The following CDIN1 variants were observed in gnomAD, a reference collection of about 807,000 sequenced individuals.
CDIN1 encodes the protein CDAN1-interacting nuclease 1.
In CDIN1, 33 loss-of-function variants were observed where a neutral mutation model predicts 45.3. The ratio of observed to expected loss-of-function variants is 0.73; its 90% confidence interval spans 0.55 to 0.97. The LOEUF is 0.97. CDIN1 is among the 50% of genes least tolerant of loss of function. CDIN1 has a pLI of 0.00. For missense variants in CDIN1, 303 were observed against 339.4 expected, an observed-to-expected ratio of 0.89 and a Z score of 0.84; for synonymous variants, 118 against 124.4, an observed-to-expected ratio of 0.95 and a Z score of 0.34.
intron 10 of CDIN1, among the ~76,000 whole-genome samples, chr15:36,785,745 T>C (rs2141068075): frequency 6.6e-6 from 1 of 152,346 alleles, no homozygotes; most frequent in African/African-American, 2.4e-5. Context: ...ACAGAAAGAA[T>C]TGGTGTTAAG....
chr15:36,623,590 C>T (rs1289663381), intron 1 of CDIN1, among the ~76,000 whole-genome samples: 2 of 152,164 alleles, frequency 1.3e-5, no homozygotes, highest in Non-Finnish European at 2.9e-5. Context: ...GGGCAGGCAG[C>T]TCAGTACCCT....
chr15:36,700,487 GA>G (rs1213080922), intron 8 of CDIN1, among the ~76,000 whole-genome samples: 3 of 151,898 alleles, frequency 2.0e-5, no homozygotes, highest in Non-Finnish European at 4.4e-5. Flanking sequence ...TATCCTTTAT[GA>G]ATGAAGAAAA....
At chr15:36,758,238 G>A (rs1057308441) in intron 10 of CDIN1, among the ~76,000 whole-genome samples, 10 of 151,886 alleles carry the variant, frequency 6.6e-5, no homozygotes, top group African/African-American at 2.4e-4. Context: ...TATATAAGGG[G>A]CCTCCCTCCC....
At chr15:36,631,187 A>G (rs955023396) in intron 1 of CDIN1, among the ~76,000 whole-genome samples, 1 of 152,218 alleles carries the variant, frequency 6.6e-6, no homozygotes, top group African/African-American at 2.4e-5. Context: ...TGTATTTATA[A>G]TGGAAAAAAT....
intron 1 of CDIN1, among the ~76,000 whole-genome samples, chr15:36,602,822 A>AT (rs201891321): frequency 0.015 from 2,217 of 152,138 alleles, 42 homozygotes; most frequent in African/African-American, 0.032. Context: ...ACTAAAAAAA[A>AT]ATATATATAC....
chr15:36,659,526 A>G (rs1404160860), intron 5 of CDIN1, among the ~76,000 whole-genome samples: 1 of 151,980 alleles, frequency 6.6e-6, no homozygotes, highest in Admixed American at 6.6e-5. Context: ...TTACACTATG[A>G]TTATGTATAA....
chr15:36,787,238 T>A (rs2054515044), intron 10 of CDIN1, among the ~76,000 whole-genome samples: 1 of 152,208 alleles, frequency 6.6e-6, no homozygotes, highest in Non-Finnish European at 1.5e-5. Flanking sequence ...CTGCCCTGGT[T>A]CTTACCCATA....
chr15:36,789,565 C>G (rs2054592581), intron 10 of CDIN1, among the ~76,000 whole-genome samples: 1 of 152,114 alleles, frequency 6.6e-6, no homozygotes, highest in African/African-American at 2.4e-5. Context: ...GGAATAATTT[C>G]TGGTGTTCTG....
intron 1 of CDIN1, chr15:36,594,844 G>T: frequency 1.0e-6 from 1 of 974,604 alleles, no homozygotes; most frequent in Non-Finnish European, 1.2e-6. Context: ...ATTTCAAGAA[G>T]CTTATTTATA....
chr15:36,583,486 G>A (rs72704498), intron 1 of CDIN1, among the ~76,000 whole-genome samples: 509 of 152,176 alleles, frequency 3.3e-3, no homozygotes, highest in Non-Finnish European at 6.2e-3. Flanking sequence ...TGAAGGAGTA[G>A]GACTTTGTGA....
intron 10 of CDIN1, among the ~76,000 whole-genome samples, chr15:36,762,734 C>T (rs1012464774): frequency 2.6e-5 from 4 of 151,820 alleles, no homozygotes; most frequent in African/African-American, 7.3e-5. Context: ...AGAGTGAGAA[C>T]ATGCGGTGTT....
chr15:36,600,069 A>G (rs1228134022), intron 1 of CDIN1, among the ~76,000 whole-genome samples: 2 of 152,238 alleles, frequency 1.3e-5, no homozygotes, highest in Non-Finnish European at 2.9e-5. Context: ...CTTAGATTTT[A>G]TAAAGCTCCC....
At chr15:36,680,247 C>T (rs956325519) in intron 5 of CDIN1, among the ~76,000 whole-genome samples, 1 of 152,160 alleles carries the variant, frequency 6.6e-6, no homozygotes, top group African/African-American at 2.4e-5. Context: ...CCATCCTGTC[C>T]GTATGCCTGT....
chr15:36,589,009 A>C (rs1469330304), intron 1 of CDIN1, among the ~76,000 whole-genome samples: 1 of 152,222 alleles, frequency 6.6e-6, no homozygotes, highest in African/African-American at 2.4e-5. Flanking sequence ...CAGGCATCAA[A>C]CTTTAGTTTA....
intron 5 of CDIN1, among the ~76,000 whole-genome samples, chr15:36,690,179 C>T (rs1277743732): frequency 6.6e-6 from 1 of 152,140 alleles, no homozygotes; most frequent in African/African-American, 2.4e-5. Flanking sequence ...TTAAAATAAT[C>T]ATGCTTCATT....
chr15:36,595,132 T>G (rs1016203048), intron 1 of CDIN1, among the ~76,000 whole-genome samples: 18 of 151,874 alleles, frequency 1.2e-4, no homozygotes, highest in African/African-American at 4.3e-4. Context: ...GTCATCTAAC[T>G]TTGGAACTGT....
intron 1 of CDIN1, among the ~76,000 whole-genome samples, chr15:36,604,456 C>CAT (rs2038267880): frequency 1.3e-5 from 2 of 151,208 alleles, no homozygotes; most frequent in South Asian, 4.2e-4. Flanking sequence ...CACACACACA[C>CAT]ATTTTAGAGT....
intron 10 of CDIN1, among the ~76,000 whole-genome samples, chr15:36,740,533 A>G (rs745521848): frequency 1.3e-5 from 2 of 152,132 alleles, no homozygotes; most frequent in African/African-American, 2.4e-5. Context: ...TCATGTGGCT[A>G]TGGAGATATA....
At chr15:36,685,604 C>G (rs1306210778) in intron 5 of CDIN1, among the ~76,000 whole-genome samples, 1 of 151,480 alleles carries the variant, frequency 6.6e-6, no homozygotes, top group Non-Finnish European at 1.5e-5. Flanking sequence ...AAAGAAACTA[C>G]CATCAGAGTG....
Sources: gnomAD v4.1 joint callset for allele counts (sites outside exome capture counted in the v4.1 genomes callset) on GRCh38, gnomAD v4.1.1 for gene constraint, MANE v1.5 for transcripts, NCBI Gene and HGNC (gene_info 2026-07-23, HGNC 2026-07-21) for gene names.